TPPP: variants seen among roughly 807,000 people sequenced by gnomAD.
TPPP encodes the protein tubulin polymerization promoting protein.
TPPP carries 6 observed loss-of-function variants against 15.5 expected under a neutral mutation model. The ratio of observed to expected loss-of-function variants is 0.39; its 90% confidence interval spans 0.21 to 0.77. The LOEUF (loss-of-function observed/expected upper bound fraction) is 0.77. Ranked by LOEUF, TPPP falls within the 30% of genes least tolerant of loss-of-function variation. TPPP has a pLI of 0.42. For missense variants in TPPP, 269 were observed against 307.2 expected (o/e 0.88, Z 0.93); for synonymous variants, 146 against 133.9 (o/e 1.09, Z -0.63).
upstream of TPPP, among the ~76,000 whole-genome samples, chr5:693,634 AGGGGGCGGC>A (rs1740959471): frequency 6.6e-6 from 1 of 151,426 alleles, no homozygotes; most frequent in Non-Finnish European, 1.5e-5. Flanking sequence ...ACCGCTGGGC[AGGGGGCGGC>A]GGGGCCCCTC....
upstream of TPPP, among the ~76,000 whole-genome samples, chr5:697,936 C>G (rs1243407337): frequency 1.4e-5 from 2 of 143,832 alleles, no homozygotes; most frequent in Admixed American, 1.4e-4. Context: ...AAATCCTCAA[C>G]GAAATACCAG....
At chr5:700,565 C>T in the TPPP span, among the ~76,000 whole-genome samples, 1 of 151,978 alleles carries the variant, frequency 6.6e-6, no homozygotes, top group South Asian at 2.1e-4. Context: ...AAGAAATCTG[C>T]ACTTCTACCC....
chr5:678,175 G>A lies in TPPP; in HGVS notation c.-4-111C>T. The A allele has an allele frequency of 5.1e-6, 6 of 1,175,172 alleles. No homozygotes were observed. The South Asian group carries it at 8.2e-5, about 16-fold the overall frequency. The allele number at this position is 1,175,172 out of a possible 1,614,324, so 72.8% of individuals were successfully genotyped here. A position where few individuals can be genotyped will look rare whatever the true frequency, so the allele number is the denominator to read the frequency against. The stretch of plus-strand genomic sequence containing the variant: ...TGAGCACCAGGACGTGGCGAGGGCT[G>A]AGATGGGCAGGCCCTCCTGGGGCTG... On this transcript the variant is annotated intron_variant, in intron 1 of 3. Coordinates refer to ENST00000360578, the MANE Select transcript of TPPP (RefSeq NM_007030.3).
chr5:699,664 C>T, the TPPP span, among the ~76,000 whole-genome samples: 25 of 151,912 alleles, frequency 1.6e-4, no homozygotes, highest in African/African-American at 3.6e-4. Context: ...AAACTATCAA[C>T]AGGGTAAATA....
At chr5:670,870 T>C (rs1740196762) in intron 2 of TPPP, among the ~76,000 whole-genome samples, 1 of 152,186 alleles carries the variant, frequency 6.6e-6, no homozygotes, top group South Asian at 2.1e-4. Flanking sequence ...GCTGAGCACC[T>C]GGGGGCAGGT....
At chr5:671,401 C>A (rs1028594809) in intron 2 of TPPP, among the ~76,000 whole-genome samples, 1 of 152,186 alleles carries the variant, frequency 6.6e-6, no homozygotes, top group African/African-American at 2.4e-5. Flanking sequence ...TCGGCTGCCT[C>A]CATCCACCCC....
the TPPP span, among the ~76,000 whole-genome samples, chr5:700,261 GT>G: frequency 4.6e-5 from 7 of 151,964 alleles, no homozygotes; most frequent in Non-Finnish European, 8.8e-5. Context: ...CTACCCGTCC[GT>G]TAACAAAGAA....
chr5:672,384 T>C (rs535974728), intron 2 of TPPP, among the ~76,000 whole-genome samples: 1 of 152,328 alleles, frequency 6.6e-6, no homozygotes, highest in Admixed American at 6.5e-5. Context: ...CAGGTGTCTA[T>C]AGGAAACGTC....
intron 2 of TPPP, among the ~76,000 whole-genome samples, chr5:677,326 A>G (rs1164330326): frequency 6.6e-6 from 1 of 152,228 alleles, no homozygotes; most frequent in Non-Finnish European, 1.5e-5. Flanking sequence ...GCCCGCCAGC[A>G]GCCACCTGCC....
chr5:665,324 A>T (rs773010030), intron 3 of TPPP, 28 bp from the exon 4 acceptor site: 2 of 1,596,634 alleles, frequency 1.3e-6, no homozygotes, highest in Non-Finnish European at 1.7e-6. Flanking sequence ...GGAAGGGGGC[A>T]GGTGAGTTGC....
At chr5:696,118 G>C (rs1402627556), upstream of TPPP, among the ~76,000 whole-genome samples, 8 of 128,076 alleles carry the variant, frequency 6.2e-5, 2 homozygotes, top group Non-Finnish European at 1.4e-4. Context: ...GGTTTTGTGG[G>C]TAGAGGTTCA....
intron 2 of TPPP, among the ~76,000 whole-genome samples, chr5:669,725 G>C (rs555247692): frequency 6.6e-6 from 1 of 151,990 alleles, no homozygotes; most frequent in Non-Finnish European, 1.5e-5. Context: ...TGCTCTGCGC[G>C]CTCCCCGAGT....
At position 663,678 on chromosome 5, in the gene TPPP, C is replaced by T. The variant is rs1739776946; in HGVS notation, c.*1424G>A. ...GCCAGTGAGGGAGGGGCCTCGCCACCCTCCTGTACTGTGAGCCTGGCCCTG... is the reference window on the plus strand; with the variant it reads ...GCCAGTGAGGGAGGGGCCTCGCCACTCTCCTGTACTGTGAGCCTGGCCCTG... On this transcript the variant is annotated 3_prime_UTR_variant, in exon 4 of 4. Coordinates refer to ENST00000360578, the MANE Select transcript of TPPP (RefSeq NM_007030.3). 1 of 152,338 alleles carries T rather than the reference C, an allele frequency of 6.6e-6. No individual in the cohort carries two copies. Among genetic ancestry groups the T allele is most frequent in the South Asian group, 2.1e-4 (1 of 4,828 alleles). The allele number at this position is 152,338 out of a possible 1,614,324, so 9.4% of individuals were successfully genotyped here.
At chr5:691,640 C>CG (rs1228786919) in intron 1 of TPPP, among the ~76,000 whole-genome samples, 1 of 23,398 alleles carries the variant, frequency 4.3e-5, no homozygotes, top group East Asian at 6.5e-4. Flanking sequence ...AAAACAGCAG[C>CG]CCCCAACCCC....
chr5:696,995 TGTGTGCCTGC>T (rs1476917123), upstream of TPPP, among the ~76,000 whole-genome samples: 3 of 144,936 alleles, frequency 2.1e-5, no homozygotes, highest in Non-Finnish European at 4.6e-5. Flanking sequence ...TGCATGTGTC[TGTGTGCCTGC>T]GTGTGCCTGT....
rs1220929437 is a variant in TPPP, at chr5:660,323, G to A, written c.*4779C>T. 1 of 152,068 alleles carries A rather than the reference G, an allele frequency of 6.6e-6. No homozygotes were observed. Among genetic ancestry groups the A allele is most frequent in the East Asian group, 1.9e-4 (1 of 5,310 alleles). The allele number at this position is 152,068 out of a possible 1,614,324, so 9.4% of individuals were successfully genotyped here. On this transcript the variant is annotated 3_prime_UTR_variant, in exon 4 of 4. Transcript: ENST00000360578. ...CTTAAGTTGTGCAGATTTCCTTTGT[G>A]GTTTGGCTTGGTTTAGTTTTTTAAG...
chr5:699,385 A>G, the TPPP span, among the ~76,000 whole-genome samples: 1 of 152,108 alleles, frequency 6.6e-6, no homozygotes, highest in Non-Finnish European at 1.5e-5. Context: ...ACCCTTTTCA[A>G]TAAATGGTGC....
chr5:668,392 G>A lies in TPPP; in HGVS notation c.312-2269C>T, dbSNP rs576252390. 2.7e-4 allele frequency among the ~76,000 whole-genome samples: 29 copies of A among 107,736 alleles called. No homozygotes were observed. In the East Asian group the frequency reaches 5.4e-3, roughly 20 times the overall value. 70.7% of individuals were successfully genotyped at this position (107,736 alleles called of 152,430 possible). On this transcript the variant is annotated intron_variant, in intron 2 of 3. Coordinates refer to ENST00000360578, the MANE Select transcript of TPPP (RefSeq NM_007030.3). ...GAGGGGTCCGCGTGGGCCTCGTCAG[G>A]GAAGTACCGACAAGCACACAGAGAG...
At chr5:674,630 C>G (rs1226596535) in intron 2 of TPPP, among the ~76,000 whole-genome samples, 2 of 152,112 alleles carry the variant, frequency 1.3e-5, no homozygotes, top group East Asian at 3.9e-4. Context: ...GGTGACCCAC[C>G]AGAGCGGCCC....
Sources: allele counts gnomAD v4.1 joint callset (sites outside exome capture counted in the v4.1 genomes callset), GRCh38; gene constraint gnomAD v4.1.1; transcripts MANE v1.5; gene names NCBI Gene and HGNC (gene_info 2026-07-23, HGNC 2026-07-21).